RBM34: variants seen among roughly 807,000 people sequenced by gnomAD.
RBM34 encodes RNA-binding protein 34.
RBM34 carries 39 observed loss-of-function variants against 44.6 expected under a neutral mutation model. The ratio of observed to expected loss-of-function variants is 0.87; its 90% CI spans 0.68 to 1.14. The LOEUF is 1.14. Among genes scored for constraint, RBM34 ranks in the 50% most tolerant of loss-of-function variants. The pLI, the probability that RBM34 is intolerant of heterozygous loss-of-function variation, is 0.00. For synonymous variants in RBM34, 194 were observed against 184.0 expected (o/e 1.05, Z -0.44); for missense variants, 572 against 517.9 (o/e 1.10, Z -1.01).
At chr1:235,132,192 A>G (rs538492550) in intron 10 of RBM34, among the ~76,000 whole-genome samples, 195 bp from the exon 11 acceptor site, 1 of 150,816 alleles carries the variant, frequency 6.6e-6, no homozygotes, top group Admixed American at 6.6e-5. Flanking sequence ...CTCAGAAAGC[A>G]CTCAAGCTGC....
chr1:235,155,777 C>A (rs529488131), intron 3 of RBM34, among the ~76,000 whole-genome samples: 22 of 129,158 alleles, frequency 1.7e-4, no homozygotes, highest in African/African-American at 6.4e-4. Flanking sequence ...AGTGCTGGGA[C>A]TAAAGGTGTG....
intron 6 of RBM34, among the ~76,000 whole-genome samples, chr1:235,140,289 G>C (rs957660245): frequency 6.6e-6 from 1 of 152,240 alleles, no homozygotes; most frequent in Non-Finnish European, 1.5e-5. Context: ...TGTGGAGGGA[G>C]AGGCGCGAGT....
chr1:235,160,585 T>C lies in RBM34; in HGVS notation c.291A>G (p.Pro97=), dbSNP rs766407341. 2 of 1,613,966 alleles carry C rather than the reference T, an allele frequency of 1.2e-6. No homozygotes were observed. The highest frequency in any genetic ancestry group is 1.3e-5 in the African/African-American group (1 of 74,936). Residue 97 remains proline (P), a synonymous_variant, in exon 3 of 11, where the codon CCA becomes CCG. Coordinates refer to ENST00000408888, the MANE Select transcript of RBM34 (RefSeq NM_015014.4). ...EEESTSQIER[P]LSQEPAKKVK... is the part of the protein sequence containing the mutation. ...CTTTTTTGGCAGGTTCTTGCGAAAG[T>C]GGTCTTTCAATCTGGGATGTACTTT...
intron 6 of RBM34, among the ~76,000 whole-genome samples, chr1:235,143,547 C>G (rs1260545907): frequency 1.3e-5 from 2 of 152,136 alleles, no homozygotes; most frequent in Non-Finnish European, 2.9e-5. Context: ...ACCAGCCTGG[C>G]CAACATGGCA....
intron 6 of RBM34, among the ~76,000 whole-genome samples, chr1:235,141,120 G>C (rs1318046019): frequency 6.6e-6 from 1 of 150,574 alleles, no homozygotes. Flanking sequence ...CTAGCTCAAG[G>C]TTTGTAAACA....
chr1:235,144,580 C>T (rs1169075161), intron 6 of RBM34, among the ~76,000 whole-genome samples: 1 of 151,096 alleles, frequency 6.6e-6, no homozygotes, highest in Non-Finnish European at 1.5e-5. Flanking sequence ...TTCCCATAAG[C>T]CAAGTCAAAA....
chr1:235,138,147 AT>A lies in RBM34; in HGVS notation c.728del (p.Asn243IlefsTer18). On this transcript the variant is annotated frameshift_variant, in exon 7 of 11. Transcript: ENST00000408888. LOFTEE classifies it high-confidence loss of function. ...CCTTAAACACAACATAGGCATTAAT[AT>A]TTTTCTGATCAGGATGAATTTTACG... is the stretch of plus-strand genomic sequence containing the variant. ...IKRKIHPDQK[N>X]INAYVVFKEE... 6.2e-7 allele frequency: 1 copy of A among 1,601,890 alleles called. No individual in the cohort carries two copies. Among genetic ancestry groups the A allele is most frequent in the Non-Finnish European group, 8.5e-7 (1 of 1,175,766 alleles).
Position 235,136,052 on chromosome 1 carries a change from C to T in RBM34, c.871G>A (p.Val291Met), listed in dbSNP as rs766687455. 2 of 1,596,818 alleles carry T rather than the reference C, an allele frequency of 1.3e-6. No homozygotes were observed. Among genetic ancestry groups the T allele is most frequent in the Non-Finnish European group, 1.7e-6 (2 of 1,166,754 alleles). ...AACTTACTATAAGGGAGATTCCCCA[C>T]AAAAACCGATCTCTTGTCTCTCTGA... Reference protein sequence around the residue: ...TSSRDKRSVFVGNLPYKVEES... With the variant: ...TSSRDKRSVFMGNLPYKVEES... Residue 291 changes from valine to methionine, a missense_variant, in exon 9 of 11, where the codon GTG becomes ATG. By Grantham distance (21) the Val-to-Met change is conservative (BLOSUM62 1). Transcript: ENST00000408888.
intron 9 of RBM34, 63 bp downstream of exon 9, chr1:235,135,971 C>A (rs1362846728): frequency 7.3e-7 from 1 of 1,375,338 alleles, no homozygotes; most frequent in South Asian, 1.3e-5. Context: ...AGTTACTACT[C>A]AGTTCTTATT....
intron 6 of RBM34, among the ~76,000 whole-genome samples, chr1:235,139,899 TA>T (rs779351998): frequency 2.8e-4 from 43 of 152,168 alleles, no homozygotes; most frequent in Non-Finnish European, 5.7e-4. Context: ...ATGATCTCAC[TA>T]AAACACTAGA....
intron 5 of RBM34, among the ~76,000 whole-genome samples, chr1:235,149,325 C>G (rs1183545267): frequency 1.5e-4 from 22 of 145,904 alleles, no homozygotes; most frequent in Non-Finnish European, 1.6e-4. Context: ...GGAGGCGGAG[C>G]TTGCAGTGAG....
chr1:235,160,243 C>T (rs1199592858), intron 3 of RBM34: 2 of 566,378 alleles, frequency 3.5e-6, no homozygotes, highest in East Asian at 8.3e-5. Context: ...GGCATCAAGA[C>T]TCCATCTCAA....
intron 6 of RBM34, among the ~76,000 whole-genome samples, chr1:235,147,295 C>T (rs747799342): frequency 5.9e-5 from 9 of 152,144 alleles, no homozygotes; most frequent in Non-Finnish European, 1.3e-4. Context: ...GAGAAGCTGA[C>T]GGTATGGTGT....
chr1:235,154,964 T>G lies in RBM34; in HGVS notation c.514A>C (p.Ile172Leu), dbSNP rs906098978. 6 of 1,614,016 alleles carry G rather than the reference T, an allele frequency of 3.7e-6. No individual in the cohort carries two copies. The highest frequency in any genetic ancestry group is 1.1e-5 in the South Asian group (1 of 91,090). The change falls in exon 4 of 11, where the codon ATT (isoleucine) becomes CTT (leucine). Residue 172 changes from isoleucine to leucine, a missense_variant. Ile to Leu is a conservative substitution (Grantham distance 5, BLOSUM62 2). Transcript: ENST00000408888. Reference protein sequence around the residue: ...EDTVVSQRKKIQINQEEERLK... With the variant: ...EDTVVSQRKKLQINQEEERLK... Reference sequence around the variant, plus strand: ...CTCTCTTCTTCTTGGTTGATTTGAATTTTCTTTCTTTGACTGACAACTGTG... The same window carrying G: ...CTCTCTTCTTCTTGGTTGATTTGAAGTTTCTTTCTTTGACTGACAACTGTG...
Position 235,138,193 on chromosome 1 carries a change from AAG to A in RBM34, c.702-21_702-20del. 6 of 1,518,428 alleles carry A rather than the reference AAG, an allele frequency of 4.0e-6. No homozygotes were observed. Among genetic ancestry groups the A allele is most frequent in the Non-Finnish European group, 5.4e-6 (6 of 1,120,278 alleles). 94.1% of individuals were successfully genotyped at this position (1,518,428 alleles called of 1,614,324 possible). ...TTTACGTCTACACCAAAAAAAAAAAAAGAAAGAAAGAAAAGAGAGACAAGGTA... is the reference window on the plus strand; with the variant it reads ...TTTACGTCTACACCAAAAAAAAAAAAAAAGAAAGAAAAGAGAGACAAGGTA... On this transcript the variant is annotated intron_variant, in intron 6 of 10. Transcript: ENST00000408888.
At chr1:235,140,215 C>A (rs534056178) in intron 6 of RBM34, among the ~76,000 whole-genome samples, 1 of 152,224 alleles carries the variant, frequency 6.6e-6, no homozygotes, top group Admixed American at 6.5e-5. Context: ...CCCACCGCTG[C>A]GCTGTGGGAG....
At chr1:235,146,118 T>C (rs959350010) in intron 6 of RBM34, among the ~76,000 whole-genome samples, 2 of 152,010 alleles carry the variant, frequency 1.3e-5, no homozygotes, top group Non-Finnish European at 2.9e-5. Context: ...CACAGCATCA[T>C]GCCCAGCTAA....
Position 235,155,024 on chromosome 1 carries a change from C to T in RBM34, c.454G>A (p.Val152Ile), listed in dbSNP as rs200657743. The change falls in exon 4 of 11, where the codon GTA becomes ATA. Residue 152 changes from valine (V) to isoleucine (I), a missense_variant. Val to Ile is a conservative substitution (Grantham distance 29). Coordinates refer to ENST00000408888, the MANE Select transcript of RBM34 (RefSeq NM_015014.4). ...TCATCAAGTATTTTTCTATCTGCTA[C>T]TTTAACACCAGGTTGAGAATTTTTC... ...KRKNSQPGVK[V>I]ADRKILDDTE... The T allele has an allele frequency of 2.8e-4, 446 of 1,613,938 alleles. 1 individual carries two copies. Among genetic ancestry groups the T allele is most frequent in the Non-Finnish European group, 2.8e-4 (325 of 1,180,008 alleles).
intron 3 of RBM34, 71 bp from the exon 4 acceptor site, chr1:235,155,183 G>T: frequency 8.5e-7 from 1 of 1,174,716 alleles, no homozygotes. Context: ...ACAAAGCACA[G>T]CCCTACCCTC....
Sources: allele counts gnomAD v4.1 joint callset (sites outside exome capture counted in the v4.1 genomes callset), GRCh38; gene constraint gnomAD v4.1.1; transcripts MANE v1.5; gene names NCBI Gene and HGNC (gene_info 2026-07-23, HGNC 2026-07-21).